RCL1: variants seen among roughly 807,000 people sequenced by gnomAD.
RCL1 encodes RNA 3'-terminal phosphate cyclase-like protein.
Under a neutral mutation model 42.4 loss-of-function variants are expected in RCL1, and 24 were observed. The ratio of observed to expected loss-of-function variants is 0.57; its 90% confidence interval spans 0.41 to 0.80. The LOEUF is 0.80. Among genes scored for constraint, RCL1 ranks in the 30% least tolerant of loss-of-function variants. The pLI is 0.00. For missense variants in RCL1, 578 were observed against 467.9 expected, an observed-to-expected ratio of 1.24 and a Z score of -2.17; for synonymous variants, 228 against 177.3, an observed-to-expected ratio of 1.29 and a Z score of -2.27.
Position 4,815,489 on chromosome 9 carries a change from T to C in RCL1, c.137-8059T>C, listed in dbSNP as rs193122523. Reference sequence around the variant, plus strand: ...TTGCAACTGCAAATTTTAAAATTTATCCAGGAAGCATCAGATCTGGCCCAG... The same window carrying C: ...TTGCAACTGCAAATTTTAAAATTTACCCAGGAAGCATCAGATCTGGCCCAG... On this transcript the variant is annotated intron_variant, in intron 1 of 8. Transcript: ENST00000381750. Among the ~76,000 whole-genome samples, 610 of 152,010 alleles carry C rather than the reference T, an allele frequency of 4.0e-3. 3 individuals are homozygous for C. The highest frequency in any genetic ancestry group is 0.027 in the South Asian group (128 of 4,818).
At chr9:4,815,497 G>A (rs941257861) in intron 1 of RCL1, among the ~76,000 whole-genome samples, 2 of 151,250 alleles carry the variant, frequency 1.3e-5, no homozygotes, top group African/African-American at 4.9e-5. Flanking sequence ...TATCCAGGAA[G>A]CATCAGATCT....
chr9:4,839,897 G>A, intron 5 of RCL1: 1 of 985,692 alleles, frequency 1.0e-6, no homozygotes, highest in Non-Finnish European at 1.2e-6. Flanking sequence ...GTGCCGGCTG[G>A]AGGGTTTCAG....
At chr9:4,857,081 A>G (rs1237485698) in intron 8 of RCL1, among the ~76,000 whole-genome samples, 1 of 152,220 alleles carries the variant, frequency 6.6e-6, no homozygotes, top group African/African-American at 2.4e-5. Context: ...TCTTTATTTT[A>G]AAAAGCTTTA....
intron 3 of RCL1, among the ~76,000 whole-genome samples, chr9:4,831,512 T>C (rs1816942814): frequency 6.6e-6 from 1 of 152,208 alleles, no homozygotes; most frequent in African/African-American, 2.4e-5. Flanking sequence ...GGTCTCACTC[T>C]GTCTCCCAGG....
At chr9:4,843,017 C>T (rs572794288) in intron 6 of RCL1, among the ~76,000 whole-genome samples, 67 of 152,234 alleles carry the variant, frequency 4.4e-4, no homozygotes, top group Middle Eastern at 6.8e-3. Context: ...AAGCCTTACA[C>T]GTAGATAAAG....
intron 8 of RCL1, among the ~76,000 whole-genome samples, chr9:4,852,000 G>A (rs1047890071): frequency 6.7e-5 from 10 of 149,710 alleles, no homozygotes; most frequent in African/African-American, 2.5e-4. Flanking sequence ...TCCTACCTCA[G>A]CCTCCCGAGT....
At chr9:4,810,197 G>A (rs1420235997) in intron 1 of RCL1, among the ~76,000 whole-genome samples, 28 of 151,880 alleles carry the variant, frequency 1.8e-4, no homozygotes, top group South Asian at 2.1e-4. Context: ...AATTTTTACC[G>A]AAGCGTACCA....
At chr9:4,840,428 G>A (rs1260987962) in intron 5 of RCL1, among the ~76,000 whole-genome samples, 3 of 152,150 alleles carry the variant, frequency 2.0e-5, no homozygotes, top group Non-Finnish European at 4.4e-5. Flanking sequence ...TTTGACATGT[G>A]TGGTTGGGGA....
intron 5 of RCL1, among the ~76,000 whole-genome samples, chr9:4,835,751 G>A (rs1015757744): frequency 7.9e-5 from 12 of 152,244 alleles, no homozygotes; most frequent in Admixed American, 4.6e-4. Flanking sequence ...GCATTTGGCC[G>A]TAAGCCTTGG....
chr9:4,821,388 G>C (rs408513), intron 1 of RCL1, among the ~76,000 whole-genome samples: 43,100 of 152,074 alleles, frequency 0.28, 7,269 homozygotes, highest in Middle Eastern at 0.42. Flanking sequence ...CATTTGACTA[G>C]GGCAATCTAG....
chr9:4,850,416 A>G (rs374762062), intron 8 of RCL1: 20 of 489,380 alleles, frequency 4.1e-5, no homozygotes, highest in African/African-American at 1.4e-4. Flanking sequence ...CGGTGGGGCT[A>G]TGCACCCTTG....
intron 8 of RCL1, among the ~76,000 whole-genome samples, chr9:4,852,071 C>G (rs1031420740): frequency 6.6e-6 from 1 of 151,900 alleles, no homozygotes; most frequent in East Asian, 1.9e-4. Flanking sequence ...TTAGTAGAGA[C>G]GGGGTTTCAC....
chr9:4,858,749 GA>G (rs35780244), intron 8 of RCL1, among the ~76,000 whole-genome samples: 86,532 of 151,942 alleles, frequency 0.57, 24,854 homozygotes, highest in East Asian at 0.81. Flanking sequence ...GTGCAGTCGA[GA>G]TTGAGAACCA....
chr9:4,814,474 C>T (rs114788621), intron 1 of RCL1, among the ~76,000 whole-genome samples: 1,680 of 152,182 alleles, frequency 0.011, 29 homozygotes, highest in African/African-American at 0.038. Flanking sequence ...CGCTTTGTTG[C>T]CCAGGCTGGT....
intron 1 of RCL1, among the ~76,000 whole-genome samples, chr9:4,810,094 C>G (rs191996380): frequency 6.6e-6 from 1 of 152,306 alleles, no homozygotes; most frequent in East Asian, 1.9e-4. Context: ...TCCCAAAGTG[C>G]TAAGATTACA....
chr9:4,849,312 C>A (rs781181417), intron 7 of RCL1, 135 bp from the exon 8 acceptor site: 27 of 650,246 alleles, frequency 4.2e-5, no homozygotes, highest in Non-Finnish European at 7.4e-5. Context: ...TCTTATAAGA[C>A]CTGTATTCTG....
At chr9:4,834,965 T>C (rs1817073086) in intron 5 of RCL1, among the ~76,000 whole-genome samples, 1 of 152,184 alleles carries the variant, frequency 6.6e-6, no homozygotes, top group South Asian at 2.1e-4. Context: ...AGGCATTTAA[T>C]TTTTACTTTT....
chr9:4,823,693 T>TC (rs1221139556), intron 2 of RCL1, 74 bp downstream of exon 2: 32 of 1,078,664 alleles, frequency 3.0e-5, no homozygotes. Context: ...TTTTTTTCTT[T>TC]CCTTTTTTTT....
chr9:4,797,612 C>G (rs1197285334), intron 1 of RCL1, among the ~76,000 whole-genome samples: 1 of 152,152 alleles, frequency 6.6e-6, no homozygotes, highest in Non-Finnish European at 1.5e-5. Flanking sequence ...CAGCCTCCCA[C>G]AACAAAGAAT....
Sources: gnomAD v4.1 joint callset for allele counts (sites outside exome capture counted in the v4.1 genomes callset) on GRCh38, gnomAD v4.1.1 for gene constraint, MANE v1.5 for transcripts, NCBI Gene and HGNC (gene_info 2026-07-23, HGNC 2026-07-21) for gene names.